The following PCDH9 variants were observed in gnomAD, a reference collection of about 807,000 sequenced individuals.
The protein encoded by PCDH9 is protocadherin 9, also known as protocadherin-9.
Under a neutral mutation model 70.6 loss-of-function variants are expected in PCDH9, and 24 were observed. The observed-to-expected ratio is 0.34, with a 90% CI of 0.25 to 0.48. PCDH9 has a LOEUF of 0.48. Among genes scored for constraint, PCDH9 ranks in the 20% least tolerant of loss-of-function variants. The pLI is 0.99. For missense variants in PCDH9, 1,281 were observed against 1,503.6 expected (o/e 0.85, Z 2.45); for synonymous variants, 562 against 558.5 (o/e 1.01, Z -0.09).
At chr13:67,159,536 A>T (rs2087900745) in intron 2 of PCDH9, among the ~76,000 whole-genome samples, 1 of 152,194 alleles carries the variant, frequency 6.6e-6, no homozygotes. Flanking sequence ...GAAATAATGG[A>T]GGTCAGAGAA....
intron 4 of PCDH9, among the ~76,000 whole-genome samples, chr13:66,624,862 T>C (rs563275870): frequency 6.6e-6 from 1 of 152,282 alleles, no homozygotes; most frequent in Non-Finnish European, 1.5e-5. Flanking sequence ...GGAAATAAAA[T>C]GTGAGCTCAA....
At chr13:66,485,223 A>G (rs1413098594) in intron 4 of PCDH9, among the ~76,000 whole-genome samples, 1 of 152,232 alleles carries the variant, frequency 6.6e-6, no homozygotes, top group Non-Finnish European at 1.5e-5. Context: ...ACACTATGCA[A>G]TGGAAACATG....
chr13:67,168,628 G>A (rs1384338278), intron 2 of PCDH9, among the ~76,000 whole-genome samples: 3 of 151,938 alleles, frequency 2.0e-5, no homozygotes, highest in Non-Finnish European at 4.4e-5. Flanking sequence ...CTACTCAAGA[G>A]GCTGAGATGG....
At chr13:66,342,814 A>G (rs558856247) in intron 4 of PCDH9, among the ~76,000 whole-genome samples, 3 of 149,186 alleles carry the variant, frequency 2.0e-5, no homozygotes, top group Non-Finnish European at 3.0e-5. Flanking sequence ...TTATTTATTT[A>G]TTTATTTATT....
chr13:66,930,952 G>T (rs1271364308), intron 2 of PCDH9, among the ~76,000 whole-genome samples: 1 of 152,102 alleles, frequency 6.6e-6, no homozygotes, highest in Non-Finnish European at 1.5e-5. Context: ...GCCTTTTAAG[G>T]TTCTCATAAA....
intron 2 of PCDH9, among the ~76,000 whole-genome samples, chr13:67,048,389 T>TTTA (rs2085262856): frequency 6.6e-6 from 1 of 152,148 alleles, no homozygotes; most frequent in Admixed American, 6.6e-5. Context: ...AGACAAGCCC[T>TTTA]GGCCCATATG....
intron 2 of PCDH9, among the ~76,000 whole-genome samples, chr13:66,951,324 G>A (rs1025156984): frequency 1.3e-5 from 2 of 152,138 alleles, no homozygotes; most frequent in African/African-American, 4.8e-5. Context: ...GAGCTGCCTG[G>A]ATTGAAAGAT....
intron 3 of PCDH9, among the ~76,000 whole-genome samples, chr13:66,760,724 C>A: frequency 6.6e-6 from 1 of 152,308 alleles, no homozygotes; most frequent in Non-Finnish European, 1.5e-5. Context: ...AGTCATATTT[C>A]TCTTCTTGCA....
chr13:66,856,716 T>C (rs1024600105), intron 3 of PCDH9, among the ~76,000 whole-genome samples: 2 of 152,064 alleles, frequency 1.3e-5, no homozygotes, highest in African/African-American at 2.4e-5. Context: ...AAAATAAAAC[T>C]TTTATTGTAA....
intron 2 of PCDH9, chr13:67,213,206 CAAAAAAAAAAAAAAAAAA>C (rs34813503): frequency 4.9e-5 from 1 of 20,538 alleles, no homozygotes; most frequent in Non-Finnish European, 9.2e-5. Flanking sequence ...GACTCCGTCA[CAAAAAAAAAAAAAAAAAA>C]AAAAAAAAAA....
At chr13:67,210,273 A>C (rs1351802443) in intron 2 of PCDH9, 1 of 152,082 alleles carries the variant, frequency 6.6e-6, no homozygotes, top group Non-Finnish European at 1.5e-5. Flanking sequence ...TTCAAGAGAA[A>C]AAAGTTAATT....
intron 3 of PCDH9, chr13:66,825,251 C>G (rs2080799025): frequency 6.7e-6 from 1 of 150,312 alleles, no homozygotes. Context: ...GTTTTTCTTA[C>G]CGTATTGGGG....
chr13:67,174,353 AGGGAG>A (rs1231405994), intron 2 of PCDH9, among the ~76,000 whole-genome samples: 12 of 152,150 alleles, frequency 7.9e-5, no homozygotes, highest in Non-Finnish European at 4.4e-5. Context: ...ATACAGACGA[AGGGAG>A]GGAAGAAAAA....
At chr13:66,687,644 A>G (rs1337639009) in intron 3 of PCDH9, among the ~76,000 whole-genome samples, 1 of 152,164 alleles carries the variant, frequency 6.6e-6, no homozygotes, top group African/African-American at 2.4e-5. Flanking sequence ...CAAGATAAAT[A>G]TGCTTTGGAT....
intron 2 of PCDH9, among the ~76,000 whole-genome samples, chr13:67,126,479 C>A (rs941553583): frequency 6.6e-6 from 1 of 152,056 alleles, no homozygotes; most frequent in African/African-American, 2.4e-5. Flanking sequence ...TTAATTAAGG[C>A]ATTTATGATC....
At chr13:66,659,279 C>G (rs1483608159) in intron 3 of PCDH9, among the ~76,000 whole-genome samples, 1 of 152,140 alleles carries the variant, frequency 6.6e-6, no homozygotes, top group East Asian at 1.9e-4. Flanking sequence ...AGCCTTAGAA[C>G]AGTGCTCAAT....
At chr13:66,322,670 G>T (rs1169527070) in intron 4 of PCDH9, among the ~76,000 whole-genome samples, 1 of 151,854 alleles carries the variant, frequency 6.6e-6, no homozygotes, top group Admixed American at 6.6e-5. Context: ...TTTTCAGATA[G>T]AAAAATACTC....
intron 3 of PCDH9, among the ~76,000 whole-genome samples, chr13:66,721,396 C>A (rs1164850973): frequency 6.6e-6 from 1 of 152,164 alleles, no homozygotes; most frequent in African/African-American, 2.4e-5. Context: ...TGAAGTCCTG[C>A]AGTAAAGATA....
intron 4 of PCDH9, among the ~76,000 whole-genome samples, chr13:66,404,075 A>T (rs757078743): frequency 6.6e-6 from 1 of 152,204 alleles, no homozygotes; most frequent in African/African-American, 2.4e-5. Context: ...GGGTACGTTA[A>T]CTATCAGGAA....
Sources: gnomAD v4.1 joint callset for allele counts (sites outside exome capture counted in the v4.1 genomes callset) on GRCh38, gnomAD v4.1.1 for gene constraint, MANE v1.5 for transcripts, NCBI Gene and HGNC (gene_info 2026-07-23, HGNC 2026-07-21) for gene names.